The following SMAP1 variants were observed in gnomAD, a reference collection of about 807,000 sequenced individuals.
SMAP1 encodes stromal membrane-associated protein 1.
A neutral mutation model predicts 58.5 loss-of-function variants in SMAP1; 24 were observed. The observed-to-expected ratio is 0.41, with a 90% CI of 0.30 to 0.58. The LOEUF (loss-of-function observed/expected upper bound fraction) is 0.58, where lower values mean the gene tolerates loss of function less well. Among genes scored for constraint, SMAP1 ranks in the 20% least tolerant of loss-of-function variants. The probability of loss-of-function intolerance (pLI) is 0.29; values close to 1 mark genes in which losing one functional copy is unlikely to be tolerated. For synonymous variants in SMAP1, 216 were observed against 196.6 expected (o/e 1.10, Z -0.82); for missense variants, 563 against 566.3 (o/e 0.99, Z 0.06).
intron 2 of SMAP1, among the ~76,000 whole-genome samples, chr6:70,740,003 C>T (rs1374825981): frequency 6.6e-6 from 1 of 151,860 alleles, no homozygotes; most frequent in African/African-American, 2.4e-5. Flanking sequence ...TCATCACATA[C>T]ATGTCTTTTA....
intron 1 of SMAP1, among the ~76,000 whole-genome samples, chr6:70,710,874 T>C (rs988055414): frequency 2.0e-5 from 3 of 152,196 alleles, no homozygotes; most frequent in Non-Finnish European, 4.4e-5. Flanking sequence ...TTTTACTTTT[T>C]AAGCTTTTTT....
chr6:70,686,111 A>T (rs1158922462), intron 1 of SMAP1, among the ~76,000 whole-genome samples: 2 of 152,134 alleles, frequency 1.3e-5, no homozygotes, highest in East Asian at 3.8e-4. Context: ...GGTAGACATT[A>T]AAACTATTTT....
intron 3 of SMAP1, among the ~76,000 whole-genome samples, chr6:70,770,205 G>A (rs1198655498): frequency 6.6e-6 from 1 of 151,384 alleles, no homozygotes; most frequent in African/African-American, 2.4e-5. Context: ...TTCAACCTTG[G>A]TGAATCTGAC....
intron 2 of SMAP1, among the ~76,000 whole-genome samples, chr6:70,746,082 T>C (rs1473204264): frequency 6.6e-6 from 1 of 152,216 alleles, no homozygotes; most frequent in Non-Finnish European, 1.5e-5. Flanking sequence ...GCTGAGACGA[T>C]GGGGTTTTCT....
At chr6:70,840,000 C>T (rs1022405814) in intron 7 of SMAP1, among the ~76,000 whole-genome samples, 3 of 152,136 alleles carry the variant, frequency 2.0e-5, no homozygotes, top group East Asian at 3.9e-4. Context: ...ATGCCGCTCT[C>T]CTCCAATGGG....
In SMAP1 at chr6:70,860,668, G is replaced by C; in HGVS notation, c.*334G>C. 1 of 416,852 alleles carries C rather than the reference G, an allele frequency of 2.4e-6. No homozygotes were observed. The highest frequency in any genetic ancestry group is 3.5e-5 in the East Asian group (1 of 28,834). The allele number at this position is 416,852 out of a possible 1,614,324, so 25.8% of individuals were successfully genotyped here. On this transcript the variant is annotated 3_prime_UTR_variant, in exon 11 of 11. Transcript: ENST00000370455. ...TGCATATAAGGGAAGTAGTTATCAT[G>C]TTAGTAATACCTCTAATAGTATAAA...
At chr6:70,770,795 G>A (rs973830911) in intron 3 of SMAP1, among the ~76,000 whole-genome samples, 8 of 152,336 alleles carry the variant, frequency 5.3e-5, no homozygotes, top group Non-Finnish European at 1.5e-5. Flanking sequence ...CTGATGAGGA[G>A]CTGCGTTCCT....
At chr6:70,785,888 T>G (rs186675767) in intron 4 of SMAP1, among the ~76,000 whole-genome samples, 1 of 152,220 alleles carries the variant, frequency 6.6e-6, no homozygotes, top group Non-Finnish European at 1.5e-5. Context: ...GAGGAGCTGG[T>G]ACCATTCCTT....
At chr6:70,684,604 A>G (rs567991477) in intron 1 of SMAP1, among the ~76,000 whole-genome samples, 1 of 152,356 alleles carries the variant, frequency 6.6e-6, no homozygotes, top group South Asian at 2.1e-4. Context: ...GTAAACTAAC[A>G]TTTAAAAAAT....
intron 2 of SMAP1, among the ~76,000 whole-genome samples, chr6:70,750,502 G>A (rs1766230452): frequency 6.6e-6 from 1 of 152,164 alleles, no homozygotes; most frequent in Non-Finnish European, 1.5e-5. Flanking sequence ...CTGTTTTAAT[G>A]CTAAAACTGT....
intron 2 of SMAP1, among the ~76,000 whole-genome samples, chr6:70,748,117 C>G (rs1766120438): frequency 1.3e-5 from 2 of 152,068 alleles, no homozygotes; most frequent in African/African-American, 4.8e-5. Context: ...GAAACCAGTC[C>G]TGAAAGGCTT....
chr6:70,703,663 C>T (rs1767726854), intron 1 of SMAP1, among the ~76,000 whole-genome samples: 1 of 152,176 alleles, frequency 6.6e-6, no homozygotes, highest in African/African-American at 2.4e-5. Flanking sequence ...GTTTTCCCTA[C>T]CTTCTGTAGT....
intron 1 of SMAP1, among the ~76,000 whole-genome samples, chr6:70,715,057 A>G (rs909644841): frequency 2.9e-5 from 4 of 139,936 alleles, no homozygotes; most frequent in African/African-American, 1.0e-4. Flanking sequence ...TGACAATTTG[A>G]TGATAATGTA....
chr6:70,817,189 C>T lies in SMAP1; in HGVS notation c.576+18452C>T, dbSNP rs142606899. 1.2e-3 allele frequency among the ~76,000 whole-genome samples: 189 copies of T among 151,282 alleles called. 1 individual carries two copies. The highest frequency in any genetic ancestry group is 4.3e-3 in the African/African-American group (179 of 41,308). On this transcript the variant is annotated intron_variant, in intron 6 of 10. Transcript: ENST00000370455. ...TCTTAACTACTAACCCTGCTCAAGC[C>T]GCACATTATTATTCTACTGAATAGA...
chr6:70,693,835 A>G (rs1767286462), intron 1 of SMAP1: 2 of 152,268 alleles, frequency 1.3e-5, no homozygotes, highest in Admixed American at 6.5e-5. Context: ...TTAAAAATTT[A>G]AGGGGTTTCT....
rs375126629 is a variant in SMAP1, at chr6:70,707,425, A to G, written c.119-24953A>G. On this transcript the variant is annotated intron_variant, in intron 1 of 10. Coordinates refer to ENST00000370455, the MANE Select transcript of SMAP1 (RefSeq NM_001044305.3). ...GATGTATGTTGAAAGTCAGCCTGAA[A>G]GCTATTGAGAGCATGATCTGTTAAT... Among the ~76,000 whole-genome samples the G allele has an allele frequency of 3.9e-5, 6 of 152,280 alleles. No individual in the cohort carries two copies. In the East Asian group the frequency reaches 1.2e-3, roughly 29 times the overall value.
At chr6:70,758,409 T>C (rs1015868535) in intron 3 of SMAP1, among the ~76,000 whole-genome samples, 7 of 147,356 alleles carry the variant, frequency 4.8e-5, no homozygotes, top group African/African-American at 1.7e-4. Context: ...TTGGGAGATA[T>C]ACCTAATGCT....
intron 2 of SMAP1, among the ~76,000 whole-genome samples, chr6:70,739,570 A>G (rs1485229042): frequency 6.6e-6 from 1 of 152,118 alleles, no homozygotes; most frequent in Non-Finnish European, 1.5e-5. Context: ...AAATACCTAC[A>G]TATGGTATGC....
chr6:70,843,803 GA>G (rs1219648362), intron 7 of SMAP1, among the ~76,000 whole-genome samples: 2 of 152,204 alleles, frequency 1.3e-5, no homozygotes, highest in African/African-American at 2.4e-5. Context: ...CTGAGGGCCA[GA>G]ATAAATGGTG....
Sources: gnomAD v4.1 joint callset for allele counts (sites outside exome capture counted in the v4.1 genomes callset) on GRCh38, gnomAD v4.1.1 for gene constraint, MANE v1.5 for transcripts, NCBI Gene and HGNC (gene_info 2026-07-23, HGNC 2026-07-21) for gene names.